The following GRIP1 variants were observed in gnomAD, a reference collection of about 807,000 sequenced individuals.
GRIP1 encodes the protein glutamate receptor-interacting protein 1.
A neutral mutation model predicts 129.9 loss-of-function variants in GRIP1; 45 were observed. That is an observed-to-expected ratio of 0.35 (90% CI 0.27 to 0.44). The LOEUF (loss-of-function observed/expected upper bound fraction) is 0.44. GRIP1 is among the 20% of genes least tolerant of loss of function. GRIP1 has a pLI of 1.00. For synonymous variants in GRIP1, 530 were observed against 520.8 expected (o/e 1.02, Z -0.24); for missense variants, 1,196 against 1,396.8 (o/e 0.86, Z 2.29).
At chr12:66,981,927 G>A (rs1358722063) in intron 1 of GRIP1, among the ~76,000 whole-genome samples, 2 of 152,170 alleles carry the variant, frequency 1.3e-5, no homozygotes, top group Non-Finnish European at 2.9e-5. Context: ...GAATTAATAT[G>A]TCTGGGCTAC....
intron 1 of GRIP1, among the ~76,000 whole-genome samples, chr12:66,945,093 T>C (rs1404905409): frequency 6.6e-6 from 1 of 152,184 alleles, no homozygotes; most frequent in East Asian, 1.9e-4. Flanking sequence ...GTGCCCAGCC[T>C]AAATTATGCA....
intron 1 of GRIP1, among the ~76,000 whole-genome samples, chr12:66,644,840 G>A (rs114319067): frequency 1.5e-3 from 222 of 152,212 alleles, no homozygotes; most frequent in African/African-American, 5.1e-3. Context: ...TATGGTAAAT[G>A]TTTTCATAAT....
At chr12:66,605,366 C>G (rs947625601) in intron 1 of GRIP1, among the ~76,000 whole-genome samples, 1 of 152,032 alleles carries the variant, frequency 6.6e-6, no homozygotes, top group Non-Finnish European at 1.5e-5. Context: ...TCTCAAGAGT[C>G]CTTCTTTTAC....
At chr12:66,563,040 G>A (rs914253201) in intron 2 of GRIP1, among the ~76,000 whole-genome samples, 11 of 151,878 alleles carry the variant, frequency 7.2e-5, no homozygotes, top group African/African-American at 2.2e-4. Flanking sequence ...TTGCTATCTC[G>A]GGGGTGGCAG....
intron 1 of GRIP1, among the ~76,000 whole-genome samples, chr12:66,846,514 T>C (rs910143753): frequency 5.8e-4 from 89 of 152,208 alleles, no homozygotes; most frequent in African/African-American, 2.1e-3. Flanking sequence ...ATTGTTTTAA[T>C]AGGCTTTACG....
chr12:66,966,805 C>G (rs1307485851), intron 1 of GRIP1, among the ~76,000 whole-genome samples: 1 of 152,178 alleles, frequency 6.6e-6, no homozygotes, highest in Non-Finnish European at 1.5e-5. Flanking sequence ...GTGCTTATCA[C>G]TGCTGATGTC....
At chr12:66,671,574 T>C (rs570582085) in intron 1 of GRIP1, among the ~76,000 whole-genome samples, 4 of 152,326 alleles carry the variant, frequency 2.6e-5, no homozygotes, top group South Asian at 4.1e-4. Flanking sequence ...TCTGCCCTTG[T>C]TGCCTTTAAT....
chr12:66,531,159 C>T (rs1466344454), intron 4 of GRIP1, among the ~76,000 whole-genome samples: 1 of 150,018 alleles, frequency 6.7e-6, no homozygotes, highest in Non-Finnish European at 1.5e-5. Flanking sequence ...CACTTGAACC[C>T]GCGGGGGCGG....
At chr12:66,539,254 C>T (rs753168344) in intron 3 of GRIP1, 31 bp from the exon 4 acceptor site, 21 of 1,613,420 alleles carry the variant, frequency 1.3e-5, no homozygotes, top group Non-Finnish European at 1.8e-5. Flanking sequence ...TTTCAACAGA[C>T]CCACCCTCTC....
intron 5 of GRIP1, among the ~76,000 whole-genome samples, chr12:66,518,454 T>C (rs1021291162): frequency 6.6e-6 from 1 of 152,098 alleles, no homozygotes; most frequent in African/African-American, 2.4e-5. Context: ...GTGGCTTTCA[T>C]TAAAAGTGAG....
intron 1 of GRIP1, among the ~76,000 whole-genome samples, chr12:67,048,414 C>A (rs977322234): frequency 1.8e-4 from 28 of 152,060 alleles, no homozygotes; most frequent in African/African-American, 5.6e-4. Context: ...TATGCATATA[C>A]CTTTTTAAAA....
At chr12:66,982,363 T>A (rs1425034979) in intron 1 of GRIP1, among the ~76,000 whole-genome samples, 2 of 152,176 alleles carry the variant, frequency 1.3e-5, no homozygotes, top group Admixed American at 6.6e-5. Context: ...CCTCCTGATA[T>A]TCATGTCCTT....
At chr12:66,703,988 C>T (rs904314093) in intron 1 of GRIP1, among the ~76,000 whole-genome samples, 14 of 151,852 alleles carry the variant, frequency 9.2e-5, no homozygotes, top group Non-Finnish European at 1.8e-4. Context: ...ACACAAGTGA[C>T]AAAGGTATGA....
At chr12:66,833,803 G>A (rs966819363) in intron 1 of GRIP1, among the ~76,000 whole-genome samples, 2 of 151,996 alleles carry the variant, frequency 1.3e-5, no homozygotes, top group Non-Finnish European at 2.9e-5. Flanking sequence ...GAAAGTAGAG[G>A]GAAAAGCCTT....
intron 1 of GRIP1, among the ~76,000 whole-genome samples, chr12:66,605,294 C>T (rs974515850): frequency 6.6e-6 from 1 of 151,946 alleles, no homozygotes; most frequent in Admixed American, 6.6e-5. Flanking sequence ...TTGTTTGGAA[C>T]GTTTTTGGAT....
chr12:67,022,816 A>G (rs1199529058), intron 1 of GRIP1, among the ~76,000 whole-genome samples: 1 of 152,042 alleles, frequency 6.6e-6, no homozygotes, highest in Non-Finnish European at 1.5e-5. Flanking sequence ...CCAGGTAGTG[A>G]GCATAGTACC....
intron 16 of GRIP1, among the ~76,000 whole-genome samples, chr12:66,397,230 G>A (rs1053587850): frequency 1.3e-5 from 2 of 151,360 alleles, no homozygotes; most frequent in African/African-American, 4.9e-5. Flanking sequence ...GGTATCTATT[G>A]GCCAGGCGCA....
At chr12:66,721,752 A>G (rs1349663008) in intron 1 of GRIP1, among the ~76,000 whole-genome samples, 1 of 152,214 alleles carries the variant, frequency 6.6e-6, no homozygotes, top group Non-Finnish European at 1.5e-5. Flanking sequence ...TACAATGAAA[A>G]TATGTTGTTT....
intron 1 of GRIP1, among the ~76,000 whole-genome samples, chr12:66,882,241 T>C (rs1379215286): frequency 1.3e-5 from 2 of 149,426 alleles, no homozygotes; most frequent in South Asian, 2.1e-4. Flanking sequence ...ACCACTCTTC[T>C]ATCAACACGA....
Sources: allele counts gnomAD v4.1 joint callset (sites outside exome capture counted in the v4.1 genomes callset), GRCh38; gene constraint gnomAD v4.1.1; transcripts MANE v1.5; gene names NCBI Gene and HGNC (gene_info 2026-07-23, HGNC 2026-07-21).